Variants in CFLAR observed in about 807,000 individuals in gnomAD.
The protein encoded by CFLAR is CASP8 and FADD-like apoptosis regulator.
Under a neutral mutation model 51.1 loss-of-function variants are expected in CFLAR, and 14 were observed. The observed-to-expected ratio is 0.27, with a 90% CI of 0.18 to 0.43. The LOEUF (loss-of-function observed/expected upper bound fraction) is 0.43, where lower values mean the gene tolerates loss of function less well. Ranked by LOEUF, CFLAR falls within the 20% of genes least tolerant of loss-of-function variation. The pLI is 1.00. For missense variants in CFLAR, 390 were observed against 566.5 expected, an observed-to-expected ratio of 0.69 and a Z score of 3.16; for synonymous variants, 210 against 211.6, an observed-to-expected ratio of 0.99 and a Z score of 0.06.
chr2:201,132,338 G>C (rs1284543450), intron 2 of CFLAR, among the ~76,000 whole-genome samples: 1 of 151,870 alleles, frequency 6.6e-6, no homozygotes, highest in Non-Finnish European at 1.5e-5. Flanking sequence ...TGATGACAAT[G>C]TCATGGTAAC....
rs1290948969 is a variant in CFLAR, at chr2:201,174,100, TAC to T, written c.*10129_*10130del. 6.6e-6 allele frequency: 1 copy of T among 152,246 alleles called. No individual in the cohort carries two copies. The highest frequency in any genetic ancestry group is 2.4e-5 in the African/African-American group (1 of 41,468). The allele number at this position is 152,246 out of a possible 1,614,324, so 9.4% of individuals were successfully genotyped here. A position where few individuals can be genotyped will look rare whatever the true frequency, so the allele number is the denominator to read the frequency against. On this transcript the variant is annotated 3_prime_UTR_variant, in exon 10 of 10. Coordinates refer to ENST00000309955, the MANE Select transcript of CFLAR (RefSeq NM_003879.7). ...TTGTCTTCTCACTTTCTGGATACTA[TAC>T]AGTACAAGTTTTAAATTTTGATGAA... is the stretch of plus-strand genomic sequence containing the variant.
intron 8 of CFLAR, among the ~76,000 whole-genome samples, chr2:201,160,071 C>T (rs1354067756): frequency 6.6e-6 from 1 of 152,040 alleles, no homozygotes; most frequent in Non-Finnish European, 1.5e-5. Flanking sequence ...GAGTGAGCCA[C>T]TCAGAAGAGA....
chr2:201,153,372 C>G (rs1941603628), intron 8 of CFLAR: 3 of 152,280 alleles, frequency 2.0e-5, no homozygotes, highest in Non-Finnish European at 2.9e-5. Flanking sequence ...ACAGTCTCCT[C>G]TCCTCACACC....
At chr2:201,120,268 C>T (rs141395264) in intron 1 of CFLAR, among the ~76,000 whole-genome samples, 6,761 of 151,844 alleles carry the variant, frequency 0.045, 506 homozygotes, top group African/African-American at 0.15. Context: ...TCACTGCAGC[C>T]TCTGCCTCCT....
In CFLAR at chr2:201,163,937, C is replaced by T; in HGVS notation, c.1407C>T (p.His469=). 2 of 1,614,060 alleles carry T rather than the reference C, an allele frequency of 1.2e-6. No homozygotes were observed. Among genetic ancestry groups the T allele is most frequent in the Non-Finnish European group, 1.7e-6 (2 of 1,179,998 alleles). ...AKEKYYVWLQ[H]TLRKKLILSY... ...AGAAATATTATGTCTGGCTGCAGCA[C>T]ACTCTGAGAAAGAAACTTATCCTCT... The change falls in exon 10 of 10, where the codon CAC becomes CAT. Residue 469 remains histidine, a synonymous_variant. Transcript: ENST00000309955.
chr2:201,161,427 T>A (rs1942993502), intron 9 of CFLAR, among the ~76,000 whole-genome samples: 1 of 151,478 alleles, frequency 6.6e-6, no homozygotes, highest in South Asian at 2.1e-4. Flanking sequence ...TTTATTTTTT[T>A]TTTTGAGATG....
chr2:201,148,764 A>G (rs1940736544), intron 6 of CFLAR: 1 of 433,460 alleles, frequency 2.3e-6, no homozygotes, highest in Admixed American at 3.5e-5. Flanking sequence ...GCCTTCTTTC[A>G]CTTGCTGTTT....
intron 5 of CFLAR, chr2:201,141,562 C>T: frequency 7.6e-7 from 1 of 1,308,030 alleles, no homozygotes; most frequent in Non-Finnish European, 9.8e-7. Context: ...TTTGTTACTA[C>T]TAATAATGCT....
intron 5 of CFLAR, chr2:201,142,633 C>G (rs1048787077): frequency 6.6e-6 from 1 of 152,532 alleles, no homozygotes; most frequent in Non-Finnish European, 1.5e-5. Flanking sequence ...GAGTTTCGTT[C>G]TTGTTGCCCA....
intron 7 of CFLAR, 196 bp from the exon 8 acceptor site, chr2:201,149,558 C>T (rs1940894278): frequency 2.1e-6 from 1 of 467,622 alleles, no homozygotes; most frequent in Middle Eastern, 5.4e-4. Flanking sequence ...AATAATTTGT[C>T]TTAAGCACAT....
chr2:201,151,043 A>G (rs1158255798), intron 8 of CFLAR: 1 of 152,156 alleles, frequency 6.6e-6, no homozygotes, highest in Non-Finnish European at 1.5e-5. Context: ...ACCTAGATAG[A>G]CGACAAAAGC....
intron 7 of CFLAR, 31 bp downstream of exon 7, chr2:201,149,083 T>C (rs773800763): frequency 1.4e-6 from 2 of 1,459,382 alleles, no homozygotes; most frequent in Non-Finnish European, 1.9e-6. Context: ...TTTGGTATTA[T>C]ATGTACATAG....
At position 201,170,865 on chromosome 2, in the gene CFLAR, C is replaced by A. The variant is rs1943969678; in HGVS notation, c.*6892C>A. 2 of 152,248 alleles carry A rather than the reference C, an allele frequency of 1.3e-5. No individual in the cohort carries two copies. The highest frequency in any genetic ancestry group is 4.1e-4 in the South Asian group (2 of 4,822). The allele number at this position is 152,248 out of a possible 1,614,324, so 9.4% of individuals were successfully genotyped here. A position where few individuals can be genotyped will look rare whatever the true frequency, so the allele number is the denominator to read the frequency against. On this transcript the variant is annotated 3_prime_UTR_variant, in exon 10 of 10. Coordinates refer to ENST00000309955, the MANE Select transcript of CFLAR (RefSeq NM_003879.7). ...TTAGAATTGACTGCATGTTTTGGTA[C>A]CATTTAGATATAGTTTAAGATACTT...
chr2:201,174,145 TTTTTA>T lies in CFLAR; in HGVS notation c.*10174_*10178del, dbSNP rs1367592889. The T allele has an allele frequency of 6.6e-6, 1 of 152,210 alleles. No homozygotes were observed. Among genetic ancestry groups the T allele is most frequent in the African/African-American group, 2.4e-5 (1 of 41,424 alleles). 9.4% of individuals were successfully genotyped at this position (152,210 alleles called of 1,614,324 possible). On this transcript the variant is annotated 3_prime_UTR_variant, in exon 10 of 10. Transcript: ENST00000309955. ...TTGATGAAGTTCACTTGATTTCTGTTTTTTATGTTATTGCTTATGCTTTTGGTGTC... is the reference window on the plus strand; with the variant it reads ...TTGATGAAGTTCACTTGATTTCTGTTTGTTATTGCTTATGCTTTTGGTGTC...
At chr2:201,130,353 CTTTTTTTTTTTT>C (rs771361555) in intron 2 of CFLAR, among the ~76,000 whole-genome samples, 3 of 92,298 alleles carry the variant, frequency 3.3e-5, no homozygotes, top group African/African-American at 9.7e-5. Flanking sequence ...TTCTTTCTTT[CTTTTTTTTTTTT>C]TTTTTTTTTT....
intron 6 of CFLAR, among the ~76,000 whole-genome samples, chr2:201,147,054 A>G (rs1362326029): frequency 1.3e-5 from 2 of 152,220 alleles, no homozygotes; most frequent in East Asian, 1.9e-4. Flanking sequence ...TAGGAGACCT[A>G]GTAGATTTGC....
At chr2:201,141,525 G>A (rs1355773772) in intron 5 of CFLAR, 3 of 1,401,096 alleles carry the variant, frequency 2.1e-6, no homozygotes, top group Non-Finnish European at 2.8e-6. Context: ...CTTTCTTGTT[G>A]CTGTATGTTT....
chr2:201,132,806 T>A (rs2049506761), intron 2 of CFLAR: 1 of 404,100 alleles, frequency 2.5e-6, no homozygotes, highest in African/African-American at 2.0e-5. Flanking sequence ...GCAAAGGATG[T>A]ACCATCTCCT....
intron 3 of CFLAR, among the ~76,000 whole-genome samples, chr2:201,134,459 A>AC (rs1270225311): frequency 2.6e-5 from 4 of 151,554 alleles, no homozygotes; most frequent in Admixed American, 2.0e-4. Flanking sequence ...ACATGGCAAA[A>AC]CCCCATCTCT....
Sources: allele counts gnomAD v4.1 joint callset (sites outside exome capture counted in the v4.1 genomes callset), GRCh38; gene constraint gnomAD v4.1.1; transcripts MANE v1.5; gene names NCBI Gene and HGNC (gene_info 2026-07-23, HGNC 2026-07-21).